Variants in BNC2 observed in about 807,000 individuals in gnomAD.
BNC2 encodes zinc finger protein basonuclin-2.
In BNC2, 20 loss-of-function variants were observed where a neutral mutation model predicts 76.3. The ratio of observed to expected loss-of-function variants is 0.26; its 90% confidence interval spans 0.18 to 0.38. The LOEUF is 0.38. Ranked by LOEUF, BNC2 falls within the 10% of genes least tolerant of loss-of-function variation. The pLI is 1.00. For synonymous variants in BNC2, 582 were observed against 514.8 expected (o/e 1.13, Z -1.77); for missense variants, 1,382 against 1,399.8 (o/e 0.99, Z 0.20).
intron 3 of BNC2, among the ~76,000 whole-genome samples, chr9:16,617,527 GAAAAAAA>G: frequency 7.2e-6 from 1 of 138,046 alleles, no homozygotes; most frequent in East Asian, 2.2e-4. Flanking sequence ...ACAGATGGAG[GAAAAAAA>G]AAAAAAAAAA....
chr9:16,799,265 C>T (rs1817727631), intron 1 of BNC2, among the ~76,000 whole-genome samples: 1 of 151,870 alleles, frequency 6.6e-6, no homozygotes, highest in South Asian at 2.1e-4. Context: ...CATTTTTTTT[C>T]CTGAAAAACA....
chr9:16,865,089 CA>C (rs1819511543), intron 1 of BNC2, among the ~76,000 whole-genome samples: 1 of 148,708 alleles, frequency 6.7e-6, no homozygotes, highest in Non-Finnish European at 1.5e-5. Flanking sequence ...GGCACTTTGG[CA>C]AATGTAAGGT....
chr9:16,518,055 T>C (rs543218962), intron 5 of BNC2, among the ~76,000 whole-genome samples: 173 of 152,300 alleles, frequency 1.1e-3, no homozygotes, highest in African/African-American at 3.9e-3. Context: ...GAAGGGACAA[T>C]AGATGTGTGT....
intron 1 of BNC2, among the ~76,000 whole-genome samples, chr9:16,869,413 TTGTG>T (rs35846044): frequency 3.3e-5 from 5 of 150,390 alleles, no homozygotes; most frequent in East Asian, 2.0e-4. Flanking sequence ...GCTCTTGCTT[TTGTG>T]TGTGTGTGTG....
intron 5 of BNC2, among the ~76,000 whole-genome samples, chr9:16,467,831 ATAAAAAAAAAAAAT>A (rs1821726420): frequency 6.9e-6 from 1 of 144,498 alleles, no homozygotes; most frequent in African/African-American, 2.8e-5. Context: ...TTAGAGTATA[ATAAAAAAAAAAAAT>A]TAAAAAAAAA....
At chr9:16,617,000 T>G (rs1820724741) in intron 3 of BNC2, among the ~76,000 whole-genome samples, 1 of 152,192 alleles carries the variant, frequency 6.6e-6, no homozygotes, top group Non-Finnish European at 1.5e-5. Context: ...ACAGATAATA[T>G]GAAACCCAGT....
intron 3 of BNC2, among the ~76,000 whole-genome samples, chr9:16,643,796 A>G (rs1821553666): frequency 6.6e-6 from 1 of 152,160 alleles, no homozygotes; most frequent in African/African-American, 2.4e-5. Context: ...TTCTGCCCCA[A>G]ACTGACCTTC....
At chr9:16,428,789 G>A (rs1435573751) in intron 6 of BNC2, among the ~76,000 whole-genome samples, 1 of 151,998 alleles carries the variant, frequency 6.6e-6, no homozygotes, top group Non-Finnish European at 1.5e-5. Context: ...TAAAGTACTA[G>A]AGTTAGGATC....
rs113995512 is a variant in BNC2 at position 16,852,929 on chromosome 9, G to A, written c.3+17717C>T. 3.3e-3 allele frequency among the ~76,000 whole-genome samples: 499 copies of A among 152,280 alleles called. 2 individuals carry two copies. The highest frequency in any genetic ancestry group is 0.011 in the African/African-American group (470 of 41,560). ...ATTAGAGGGAGCAGTGGCAGGAAACGGCGTCAGAGTTGGGCTGGGTCACAA... is the reference window on the plus strand; with the variant it reads ...ATTAGAGGGAGCAGTGGCAGGAAACAGCGTCAGAGTTGGGCTGGGTCACAA... On this transcript the variant is annotated intron_variant, in intron 1 of 6. Coordinates refer to ENST00000380672, the MANE Select transcript of BNC2 (RefSeq NM_017637.6).
chr9:16,560,705 T>G (rs544434325), intron 4 of BNC2, among the ~76,000 whole-genome samples: 1 of 152,192 alleles, frequency 6.6e-6, no homozygotes, highest in South Asian at 2.1e-4. Flanking sequence ...CCAGCGTGGA[T>G]GACAGAATGA....
chr9:16,559,920 A>T (rs1485104491), intron 4 of BNC2, among the ~76,000 whole-genome samples: 1 of 152,228 alleles, frequency 6.6e-6, no homozygotes, highest in Non-Finnish European at 1.5e-5. Context: ...TAAATGCCAT[A>T]AAAAAGATTT....
chr9:16,779,867 G>T (rs777336798), intron 1 of BNC2, among the ~76,000 whole-genome samples: 4 of 152,162 alleles, frequency 2.6e-5, no homozygotes, highest in South Asian at 4.1e-4. Context: ...GAAAGCTAAA[G>T]GGTACGGGTT....
intron 1 of BNC2, among the ~76,000 whole-genome samples, chr9:16,832,049 A>T (rs946837514): frequency 6.6e-6 from 1 of 152,202 alleles, no homozygotes; most frequent in African/African-American, 2.4e-5. Context: ...GCAAAACAAA[A>T]CAAAAACTAA....
rs1184979278 is a variant in BNC2, at chr9:16,419,610, G to C, written c.2679C>G (p.Thr893=). 6.3e-7 allele frequency: 1 copy of C among 1,591,968 alleles called. No homozygotes were observed. The change falls in exon 7 of 7, where the codon ACC becomes ACG. Residue 893 remains threonine (T), a synonymous_variant. Coordinates refer to ENST00000380672, the MANE Select transcript of BNC2 (RefSeq NM_017637.6). The part of the protein sequence containing the change: ...ANINLHRKLL[T]KELDDMGLDS... ...CCAGGCCCATGTCATCGAGTTCTTT[G>C]GTCAACAGTTTACGATGTAGGTTTA...
chr9:16,532,840 A>G (rs1056473859), intron 5 of BNC2, among the ~76,000 whole-genome samples: 6 of 152,180 alleles, frequency 3.9e-5, no homozygotes, highest in African/African-American at 1.4e-4. Flanking sequence ...TCCCAACTCC[A>G]TGTTCAGTGA....
At chr9:16,850,714 C>G (rs752480996) in intron 1 of BNC2, among the ~76,000 whole-genome samples, 2 of 151,928 alleles carry the variant, frequency 1.3e-5, no homozygotes, top group African/African-American at 4.8e-5. Context: ...AGGGGGATCG[C>G]TTAAGTCCAA....
chr9:16,623,693 C>A (rs964313339), intron 3 of BNC2, among the ~76,000 whole-genome samples: 4 of 152,146 alleles, frequency 2.6e-5, no homozygotes, highest in Non-Finnish European at 5.9e-5. Flanking sequence ...TGAAGTGAGG[C>A]TGGATTAATT....
intron 4 of BNC2, among the ~76,000 whole-genome samples, chr9:16,567,926 G>A (rs554475275): frequency 4.6e-5 from 7 of 152,240 alleles, no homozygotes; most frequent in South Asian, 2.1e-4. Context: ...AAATCTGTAC[G>A]AAAAGGGTCT....
At chr9:16,537,715 T>C (rs1430525183) in intron 5 of BNC2, among the ~76,000 whole-genome samples, 2 of 152,158 alleles carry the variant, frequency 1.3e-5, no homozygotes, top group Non-Finnish European at 2.9e-5. Context: ...CAAGGCATAT[T>C]TGACCTGTGG....
Sources: gnomAD v4.1 joint callset for allele counts (sites outside exome capture counted in the v4.1 genomes callset) on GRCh38, gnomAD v4.1.1 for gene constraint, MANE v1.5 for transcripts, NCBI Gene and HGNC (gene_info 2026-07-23, HGNC 2026-07-21) for gene names.